MICU1: variants seen among roughly 807,000 people sequenced by gnomAD.
MICU1 encodes the protein mitochondrial calcium uptake 1.
In MICU1, 45 loss-of-function variants were observed where a neutral mutation model predicts 56.8. The ratio of observed to expected loss-of-function variants is 0.79; its 90% confidence interval spans 0.62 to 1.02. The LOEUF is 1.02. MICU1 is among the 50% of genes least tolerant of loss of function. The pLI, the probability that MICU1 is intolerant of heterozygous loss-of-function variation, is 0.00. For missense variants in MICU1, 504 were observed against 587.1 expected, an observed-to-expected ratio of 0.86 and a Z score of 1.46; for synonymous variants, 186 against 195.1, an observed-to-expected ratio of 0.95 and a Z score of 0.39.
intron 6 of MICU1, chr10:72,501,779 T>C (rs1010778197): frequency 6.6e-6 from 1 of 152,176 alleles, no homozygotes; most frequent in African/African-American, 2.4e-5. Flanking sequence ...TTCATGCCAC[T>C]GCTTATTGTA....
At chr10:72,494,028 T>C (rs1866754267) in intron 6 of MICU1, among the ~76,000 whole-genome samples, 1 of 152,110 alleles carries the variant, frequency 6.6e-6, no homozygotes, top group Admixed American at 6.6e-5. Flanking sequence ...AGGAGGAAAA[T>C]TGCCTCTTCA....
At chr10:72,573,778 T>C (rs2132491453) in intron 1 of MICU1, among the ~76,000 whole-genome samples, 1 of 152,280 alleles carries the variant, frequency 6.6e-6, no homozygotes, top group South Asian at 2.1e-4. Context: ...AGTTGTTGCA[T>C]TCCCCTCAGC....
chr10:72,474,890 T>A (rs924811325), intron 8 of MICU1, among the ~76,000 whole-genome samples: 1 of 152,206 alleles, frequency 6.6e-6, no homozygotes, highest in African/African-American at 2.4e-5. Flanking sequence ...ATTTAGAGGT[T>A]TTTGGTTTTA....
At chr10:72,614,901 G>T (rs1390194924) in intron 1 of MICU1, among the ~76,000 whole-genome samples, 3 of 152,120 alleles carry the variant, frequency 2.0e-5, no homozygotes, top group African/African-American at 7.2e-5. Context: ...TATTAAAATG[G>T]TAAATATTTA....
chr10:72,561,180 T>A (rs922052830), intron 3 of MICU1, among the ~76,000 whole-genome samples: 3 of 152,230 alleles, frequency 2.0e-5, no homozygotes, highest in Non-Finnish European at 1.5e-5. Context: ...GGAATTTGAG[T>A]AAATCACACA....
chr10:72,491,576 T>C (rs1286134856), intron 6 of MICU1, among the ~76,000 whole-genome samples: 2 of 152,178 alleles, frequency 1.3e-5, no homozygotes, highest in Non-Finnish European at 2.9e-5. Context: ...GGGTCAGGTG[T>C]GGTCGCTCAC....
At chr10:72,389,004 A>C (rs1257699539) in intron 10 of MICU1, among the ~76,000 whole-genome samples, 2 of 152,252 alleles carry the variant, frequency 1.3e-5, no homozygotes, top group Non-Finnish European at 2.9e-5. Context: ...AAAGATTAAA[A>C]GCGATAACAT....
chr10:72,481,679 C>T (rs1011619280), intron 6 of MICU1, among the ~76,000 whole-genome samples: 21 of 152,146 alleles, frequency 1.4e-4, no homozygotes, highest in South Asian at 2.1e-4. Context: ...CCCAAAGTGT[C>T]GGGATTACAG....
chr10:72,596,500 C>G (rs185147626), intron 1 of MICU1, among the ~76,000 whole-genome samples: 21 of 152,154 alleles, frequency 1.4e-4, no homozygotes, highest in Admixed American at 1.3e-4. Flanking sequence ...CACTTCTGAA[C>G]CATACACTTA....
intron 5 of MICU1, among the ~76,000 whole-genome samples, chr10:72,532,515 G>C (rs11815645): frequency 0.56 from 85,310 of 151,768 alleles, 25,324 homozygotes; most frequent in Non-Finnish European, 0.67. Context: ...ATAGGGACCT[G>C]ACCCTCCAAA....
chr10:72,503,869 C>T (rs200418428), intron 6 of MICU1, among the ~76,000 whole-genome samples: 15 of 32,760 alleles, frequency 4.6e-4, no homozygotes, highest in African/African-American at 1.6e-3. Flanking sequence ...ACAATAGACA[C>T]ACACACACAC....
At chr10:72,418,814 G>C (rs1013382066) in intron 9 of MICU1, among the ~76,000 whole-genome samples, 1 of 152,168 alleles carries the variant, frequency 6.6e-6, no homozygotes, top group South Asian at 2.1e-4. Context: ...TAGAGAGATG[G>C]ACTCGTAACC....
At chr10:72,526,606 T>C (rs745857779) in intron 5 of MICU1, among the ~76,000 whole-genome samples, 48 of 152,118 alleles carry the variant, frequency 3.2e-4, no homozygotes, top group Non-Finnish European at 6.0e-4. Context: ...AGTAAATTAA[T>C]TACATCCTAA....
chr10:72,615,491 A>G (rs1296524894), intron 1 of MICU1, among the ~76,000 whole-genome samples: 1 of 152,140 alleles, frequency 6.6e-6, no homozygotes. Flanking sequence ...TCTAAAGGTT[A>G]GATCACAGTC....
At chr10:72,610,837 G>A (rs1841824820) in intron 1 of MICU1, among the ~76,000 whole-genome samples, 1 of 152,022 alleles carries the variant, frequency 6.6e-6, no homozygotes, top group Non-Finnish European at 1.5e-5. Context: ...GAATACAGAG[G>A]GGCAAATGGA....
chr10:72,602,770 G>C (rs1184043746), intron 1 of MICU1, among the ~76,000 whole-genome samples: 1 of 152,158 alleles, frequency 6.6e-6, no homozygotes, highest in African/African-American at 2.4e-5. Flanking sequence ...CTGTAATTTA[G>C]AAATAAAAAT....
In MICU1 at chr10:72,569,224, TA is replaced by T. The variant is rs1183258865; in HGVS notation, c.-1-2431del. ...ATATATGCATATATATATATATATA[TA>T]TATATATATATATTTTTTTTTTTTT... On this transcript the variant is annotated intron_variant, in intron 1 of 11. Transcript: ENST00000361114. Among the ~76,000 whole-genome samples, 71 of 46,370 alleles carry T rather than the reference TA, an allele frequency of 1.5e-3. 1 individual carries two copies. Among genetic ancestry groups the T allele is most frequent in the East Asian group, 7.6e-3 (13 of 1,720 alleles). The allele number at this position is 46,370 out of a possible 152,430, so 30.4% of individuals were successfully genotyped here. A position where few individuals can be genotyped will look rare whatever the true frequency, so the allele number is the denominator to read the frequency against.
chr10:72,455,350 C>CAAAAA (rs56378605), intron 8 of MICU1, among the ~76,000 whole-genome samples: 1 of 44,200 alleles, frequency 2.3e-5, no homozygotes, highest in African/African-American at 6.7e-5. Context: ...GACTCTGTCT[C>CAAAAA]AAAAAAAAAA....
rs577797880 is a variant in MICU1, at chr10:72,526,688, A to G, written c.537+7058T>C. 7.2e-5 allele frequency among the ~76,000 whole-genome samples: 11 copies of G among 152,356 alleles called. No individual in the cohort carries two copies. The South Asian group carries it at 2.3e-3, about 32-fold the overall frequency. ...GCTATATTTAACATATAATTAATCA[A>G]TATTTGAAAGAGTTAATAAATTGTT... On this transcript the variant is annotated intron_variant, in intron 5 of 11. Coordinates refer to ENST00000361114, the MANE Select transcript of MICU1 (RefSeq NM_001195518.2).
Sources: gnomAD v4.1 joint callset for allele counts (sites outside exome capture counted in the v4.1 genomes callset) on GRCh38, gnomAD v4.1.1 for gene constraint, MANE v1.5 for transcripts, NCBI Gene and HGNC (gene_info 2026-07-23, HGNC 2026-07-21) for gene names.